PCDHGC5: variants seen among roughly 807,000 people sequenced by gnomAD.
PCDHGC5 encodes protocadherin gamma subfamily C, 5.
A neutral mutation model predicts 59.0 loss-of-function variants in PCDHGC5; 25 were observed. The observed-to-expected ratio is 0.42, with a 90% confidence interval of 0.31 to 0.59. The LOEUF is 0.59. PCDHGC5 is among the 20% of genes least tolerant of loss of function. PCDHGC5 has a pLI of 0.13. For synonymous variants in PCDHGC5, 434 were observed against 505.5 expected, an observed-to-expected ratio of 0.86 and a Z score of 1.90; for missense variants, 1,067 against 1,206.4, an observed-to-expected ratio of 0.88 and a Z score of 1.71.
chr5:141,510,272 TAAAA>T (rs546154379), intron 3 of PCDHGC5, among the ~76,000 whole-genome samples: 1 of 130,390 alleles, frequency 7.7e-6, no homozygotes, highest in East Asian at 2.2e-4. Context: ...GACTCCATCT[TAAAA>T]AAAAAAAAAA....
rs2099730037 is a variant in PCDHGC5 at position 141,491,783 on chromosome 5, A to G, written c.2460+83A>G. The G allele has an allele frequency of 1.3e-6, 2 of 1,539,618 alleles. No homozygotes were observed. The highest frequency in any genetic ancestry group is 2.2e-5 in the Admixed American group (1 of 46,412). On this transcript the variant is annotated intron_variant, in intron 1 of 3. Transcript: ENST00000252087. The surrounding 1 kb of genome is among the most constrained non-coding windows in gnomAD (Gnocchi z 6.9). ...CGTCCTCATAAGGGATTGAACTTGC[A>G]TCCACTCCTCTCCGGCCGGCTTGGT...
Position 141,494,855 on chromosome 5 carries a change from G to A in PCDHGC5, c.2509G>A (p.Gly837Ser), listed in dbSNP as rs200418116. The A allele has an allele frequency of 4.8e-4, 774 of 1,614,092 alleles. 7 individuals carry two copies. The South Asian group carries it at 5.1e-3, about 11-fold the overall frequency. ...GCGTTTCTCTCAGGCCCAGAGACCC[G>A]GCACCAGCGGGTAGGTGACTGATTC... is the stretch of plus-strand genomic sequence containing the variant. ...DWRFSQAQRP[G>S]TSGSQNGDDT... Residue 837 changes from glycine (G) to serine (S), a missense_variant, in exon 2 of 4, where the codon GGC becomes AGC. Coordinates refer to ENST00000252087, the MANE Select transcript of PCDHGC5 (RefSeq NM_018929.3).
At chr5:141,504,961 G>A (rs995382728) in intron 2 of PCDHGC5, among the ~76,000 whole-genome samples, 2 of 151,928 alleles carry the variant, frequency 1.3e-5, no homozygotes, top group Non-Finnish European at 2.9e-5. Flanking sequence ...TCAATGCATT[G>A]GACCAGCCTG....
In PCDHGC5 at chr5:141,510,272, T is replaced by TAAA. The variant is rs546154379; in HGVS notation, c.2609-658_2609-656dup. 1.5e-3 allele frequency among the ~76,000 whole-genome samples: 198 copies of TAAA among 130,372 alleles called. 1 individual carries two copies. Among genetic ancestry groups the TAAA allele is most frequent in the Non-Finnish European group, 2.8e-3 (172 of 61,058 alleles). The allele number at this position is 130,372 out of a possible 152,430, so 85.5% of individuals were successfully genotyped here. ...TGGGCGACAGAGCAGGACTCCATCTTAAAAAAAAAAAAAAAAAAATGCTGT... is the reference window on the plus strand; with the variant it reads ...TGGGCGACAGAGCAGGACTCCATCTTAAAAAAAAAAAAAAAAAAAAAATGCTGT... On this transcript the variant is annotated intron_variant, in intron 3 of 3. Coordinates refer to ENST00000252087, the MANE Select transcript of PCDHGC5 (RefSeq NM_018929.3).
intron 2 of PCDHGC5, among the ~76,000 whole-genome samples, chr5:141,497,643 G>A (rs773129390): frequency 6.6e-6 from 1 of 151,192 alleles, no homozygotes; most frequent in African/African-American, 2.4e-5. Context: ...AGGTTCAAGC[G>A]ATTCTCCTGC....
At position 141,512,430 on chromosome 5, in the gene PCDHGC5, CT is replaced by C. The variant is rs1357890225; in HGVS notation, c.*1258del. The C allele has an allele frequency of 1.3e-5, 2 of 152,824 alleles. No homozygotes were observed. Among genetic ancestry groups the C allele is most frequent in the Non-Finnish European group, 2.9e-5 (2 of 68,158 alleles). 9.5% of individuals were successfully genotyped at this position (152,824 alleles called of 1,614,324 possible). On this transcript the variant is annotated 3_prime_UTR_variant, in exon 4 of 4. Coordinates refer to ENST00000252087, the MANE Select transcript of PCDHGC5 (RefSeq NM_018929.3). ...CTTCTTCAACAGGGCCCCTGCCCTCCTGAAGCCTCAGTCCTTCACCTTGCCA... is the reference window on the plus strand; with the variant it reads ...CTTCTTCAACAGGGCCCCTGCCCTCCGAAGCCTCAGTCCTTCACCTTGCCA...
intron 2 of PCDHGC5, among the ~76,000 whole-genome samples, chr5:141,499,528 G>T (rs961802549): frequency 1.3e-5 from 2 of 152,142 alleles, no homozygotes; most frequent in African/African-American, 2.4e-5. Context: ...AAAGTAGAGA[G>T]AATGGTGTCA....
rs779191558 is a variant in PCDHGC5 at position 141,491,465 on chromosome 5, A to T, written c.2225A>T (p.Tyr742Phe). 3.1e-6 allele frequency: 5 copies of T among 1,614,092 alleles called. No homozygotes were observed. Among genetic ancestry groups the T allele is most frequent in the Non-Finnish European group, 4.2e-6 (5 of 1,180,010 alleles). The change falls in exon 1 of 4, where the codon TAT (tyrosine) becomes TTT (phenylalanine). Residue 742 changes from tyrosine to phenylalanine, a missense_variant. Transcript: ENST00000252087. The surrounding 1 kb of genome is among the most constrained non-coding windows in gnomAD (Gnocchi z 6.9). ...CAGGACTCACCCTCCCCGGACTTCT[A>T]TAAGCAGTCCAGCCCCAACCTGCAG... is the stretch of plus-strand genomic sequence containing the variant. ...RRQDSPSPDF[Y>F]KQSSPNLQVS...
In PCDHGC5 at chr5:141,491,169, G is replaced by A. The variant is rs374498014; in HGVS notation, c.1929G>A (p.Gln643=). The A allele has an allele frequency of 1.2e-6, 2 of 1,614,192 alleles. No homozygotes were observed. Among genetic ancestry groups the A allele is most frequent in the African/African-American group, 1.3e-5 (1 of 75,058 alleles). Residue 643 remains glutamine, a synonymous_variant, in exon 1 of 4, where the codon CAG becomes CAA. Transcript: ENST00000252087. The surrounding 1 kb of genome is among the most constrained non-coding windows in gnomAD (Gnocchi z 6.9). ...TGGAGGATGACTCTGACACCCAGCA[G>A]GTGGTGGTCCTGGTGAGGGACAATG... ...ALLEDDSDTQ[Q]VVVLVRDNGD...
chr5:141,499,677 T>C (rs2099793326), intron 2 of PCDHGC5, among the ~76,000 whole-genome samples: 1 of 151,690 alleles, frequency 6.6e-6, no homozygotes, highest in African/African-American at 2.4e-5. Flanking sequence ...CTCCACCATC[T>C]TTAACAGATG....
chr5:141,489,563 T>C lies in PCDHGC5; in HGVS notation c.323T>C (p.Val108Ala), dbSNP rs2099689031. ...ACCAGCTGCCTGCTGCCAGTGCAGG[T>C]GGTGACTGAACACCCCCTGGAGCTA... The part of the protein sequence containing the change: ...ASTSCLLPVQ[V>A]VTEHPLELIR... Residue 108 changes from valine (V) to alanine (A), a missense_variant, in exon 1 of 4, where the codon GTG becomes GCG. Physicochemically the swap from Val to Ala is moderately conservative, Grantham distance 64. Coordinates refer to ENST00000252087, the MANE Select transcript of PCDHGC5 (RefSeq NM_018929.3). The surrounding 1 kb of genome is among the most constrained non-coding windows in gnomAD (Gnocchi z 4.5). 13 of 1,614,006 alleles carry C rather than the reference T, an allele frequency of 8.1e-6. No homozygotes were observed. The highest frequency in any genetic ancestry group is 1.1e-5 in the Non-Finnish European group (13 of 1,179,976).
rs1290674122 is a variant in PCDHGC5 at position 141,489,521 on chromosome 5, G to A, written c.281G>A (p.Ser94Asn). 3 of 1,613,988 alleles carry A rather than the reference G, an allele frequency of 1.9e-6. No individual in the cohort carries two copies. The highest frequency in any genetic ancestry group is 2.2e-5 in the East Asian group (1 of 44,886). Residue 94 changes from serine to asparagine, a missense_variant, in exon 1 of 4, where the codon AGC becomes AAC. Coordinates refer to ENST00000252087, the MANE Select transcript of PCDHGC5 (RefSeq NM_018929.3). This position sits in a 1 kb window ranked among gnomAD's most constrained non-coding sequence, Gnocchi z 4.5. ...LAVNQKIDRE[S>N]LCGASTSCLL... ...GTGAATCAAAAGATTGACCGAGAAAGCCTATGTGGAGCCAGCACCAGCTGC... is the reference window on the plus strand; with the variant it reads ...GTGAATCAAAAGATTGACCGAGAAAACCTATGTGGAGCCAGCACCAGCTGC...
At chr5:141,494,365 C>A (rs193174055) in intron 1 of PCDHGC5, among the ~76,000 whole-genome samples, 20 of 152,290 alleles carry the variant, frequency 1.3e-4, no homozygotes, top group Non-Finnish European at 2.2e-4. Context: ...GCAGAGGATG[C>A]TTTGTTCCCA....
In PCDHGC5 at chr5:141,491,219, C is replaced by T; in HGVS notation, c.1979C>T (p.Ala660Val). ...GGTGACCCTTCACTCTCCTCCACAG[C>T]CACAGTGCTGCTGGTTCTGGAGGAT... is the stretch of plus-strand genomic sequence containing the variant. ...DNGDPSLSST[A>V]TVLLVLEDED... The change falls in exon 1 of 4, where the codon GCC (alanine) becomes GTC (valine). Residue 660 changes from alanine to valine, a missense_variant. Coordinates refer to ENST00000252087, the MANE Select transcript of PCDHGC5 (RefSeq NM_018929.3). The surrounding 1 kb of genome is among the most constrained non-coding windows in gnomAD (Gnocchi z 6.9). 3 of 1,614,208 alleles carry T rather than the reference C, an allele frequency of 1.9e-6. No homozygotes were observed. The highest frequency in any genetic ancestry group is 2.5e-6 in the Non-Finnish European group (3 of 1,180,028).
At chr5:141,510,898 T>C in intron 3 of PCDHGC5, 49 bp from the exon 4 acceptor site, 1 of 1,613,278 alleles carries the variant, frequency 6.2e-7, no homozygotes, top group Non-Finnish European at 8.5e-7. Context: ...ACAGTGACTG[T>C]TGAGGACCCT....
rs780241180 is a variant in PCDHGC5, at chr5:141,490,819, C to A, written c.1579C>A (p.Leu527Met). Residue 527 changes from leucine (L) to methionine (M), a missense_variant, in exon 1 of 4, where the codon CTG becomes ATG. By Grantham distance (15) the Leu-to-Met change is conservative. Transcript: ENST00000252087. The surrounding 1 kb of genome is among the most constrained non-coding windows in gnomAD (Gnocchi z 5.4). ...CCAGCGTACCTTTGACTATGAATTGCTGCAGATGCTGCAGATTGTGGTGGG... is the reference window on the plus strand; with the variant it reads ...CCAGCGTACCTTTGACTATGAATTGATGCAGATGCTGCAGATTGTGGTGGG... The part of the protein sequence containing the change: ...FAQRTFDYEL[L>M]QMLQIVVGVR... 3 of 1,613,842 alleles carry A rather than the reference C, an allele frequency of 1.9e-6. No individual in the cohort carries two copies. The highest frequency in any genetic ancestry group is 2.5e-6 in the Non-Finnish European group (3 of 1,179,804).
intron 2 of PCDHGC5, among the ~76,000 whole-genome samples, chr5:141,500,508 C>T (rs2099801020): frequency 6.6e-6 from 1 of 152,078 alleles, no homozygotes; most frequent in African/African-American, 2.4e-5. Context: ...CGCGCCTGGC[C>T]GAGCTTCATT....
rs1239481973 is a variant in PCDHGC5 at position 141,491,585 on chromosome 5, C to G, written c.2345C>G (p.Ser782Trp). Residue 782 changes from serine to tryptophan, a missense_variant, in exon 1 of 4, where the codon TCG becomes TGG. Coordinates refer to ENST00000252087, the MANE Select transcript of PCDHGC5 (RefSeq NM_018929.3). The surrounding 1 kb of genome is among the most constrained non-coding windows in gnomAD (Gnocchi z 6.9). Reference protein sequence around the residue: ...HCYRTCFSPASDGSDFTFLRP... With the variant: ...HCYRTCFSPAWDGSDFTFLRP... ...TACAGGACGTGCTTTTCACCGGCCT[C>G]GGACGGCAGTGACTTCACTTTTCTA... 6.2e-7 allele frequency: 1 copy of G among 1,613,964 alleles called. No individual in the cohort carries two copies.
intron 2 of PCDHGC5, among the ~76,000 whole-genome samples, chr5:141,495,471 G>A (rs2099761632): frequency 6.6e-6 from 1 of 152,190 alleles, no homozygotes; most frequent in Non-Finnish European, 1.5e-5. Context: ...TGGGGTCTCC[G>A]TGTCTCTGCC....
Sources: allele counts gnomAD v4.1 joint callset (sites outside exome capture counted in the v4.1 genomes callset), GRCh38; gene constraint gnomAD v4.1.1; non-coding constraint Gnocchi (gnomAD v3.1); transcripts MANE v1.5; gene names NCBI Gene and HGNC (gene_info 2026-07-23, HGNC 2026-07-21).